The following CFAP20DC variants were observed in gnomAD, a reference collection of about 807,000 sequenced individuals.
The protein encoded by CFAP20DC is CFAP20 domain containing, also known as protein CFAP20DC.
CFAP20DC carries 84 observed loss-of-function variants against 101.7 expected under a neutral mutation model. That is an observed-to-expected ratio of 0.83 (90% CI 0.69 to 0.99). The LOEUF (loss-of-function observed/expected upper bound fraction) is 0.99, where lower values mean the gene tolerates loss of function less well. CFAP20DC is among the 50% of genes least tolerant of loss of function. CFAP20DC has a pLI of 0.00. For synonymous variants in CFAP20DC, 359 were observed against 351.2 expected, an observed-to-expected ratio of 1.02 and a Z score of -0.25; for missense variants, 1,007 against 970.3, an observed-to-expected ratio of 1.04 and a Z score of -0.50.
At chr3:58,821,180 C>A (rs1275758817) in intron 14 of CFAP20DC, among the ~76,000 whole-genome samples, 2 of 152,014 alleles carry the variant, frequency 1.3e-5, no homozygotes, top group Non-Finnish European at 2.9e-5. Flanking sequence ...AGACCTAAAA[C>A]CATAAAAACC....
intron 5 of CFAP20DC, among the ~76,000 whole-genome samples, chr3:58,915,328 T>G (rs1576288760): frequency 6.6e-6 from 1 of 152,162 alleles, no homozygotes; most frequent in Non-Finnish European, 1.5e-5. Context: ...TGTGGCTTGG[T>G]GAAATGCAGG....
chr3:58,852,210 T>A (rs1342201516), intron 12 of CFAP20DC, among the ~76,000 whole-genome samples: 2 of 152,074 alleles, frequency 1.3e-5, no homozygotes, highest in African/African-American at 4.8e-5. Flanking sequence ...AGGAAATGCT[T>A]CAGGATCTTG....
chr3:58,771,263 TA>T (rs1313278789), intron 15 of CFAP20DC, among the ~76,000 whole-genome samples: 1 of 151,208 alleles, frequency 6.6e-6, no homozygotes, highest in African/African-American at 2.4e-5. Context: ...GGTGGGGGAC[TA>T]GGGGAGGGAT....
intron 5 of CFAP20DC, among the ~76,000 whole-genome samples, chr3:58,916,114 T>C (rs900510847): frequency 6.6e-6 from 1 of 152,292 alleles, no homozygotes; most frequent in South Asian, 2.1e-4. Flanking sequence ...TTTAAAAACA[T>C]TTTTGCAGTT....
At chr3:58,834,772 AG>A (rs1239931641) in intron 13 of CFAP20DC, among the ~76,000 whole-genome samples, 12 of 152,160 alleles carry the variant, frequency 7.9e-5, no homozygotes, top group Admixed American at 7.9e-4. Flanking sequence ...CAAATATACT[AG>A]GGGGGTCTCC....
At chr3:58,759,394 T>C (rs1313812380) in intron 15 of CFAP20DC, among the ~76,000 whole-genome samples, 1 of 152,258 alleles carries the variant, frequency 6.6e-6, no homozygotes, top group African/African-American at 2.4e-5. Context: ...TGTTTTTTTC[T>C]TGTAAATTTG....
At chr3:59,031,336 T>C (rs1169382197) in intron 4 of CFAP20DC, among the ~76,000 whole-genome samples, 1 of 152,140 alleles carries the variant, frequency 6.6e-6, no homozygotes, top group Non-Finnish European at 1.5e-5. Flanking sequence ...GATAGGGAGA[T>C]AAGAAGAATA....
rs1559521968 is a variant in CFAP20DC at position 58,717,996 on chromosome 3, A to G, written c.198-368T>C. ...TTTACCATTCCCATTTGGATAAGCT[A>G]TGGAGAAATTCAAGTTTGGCTTCAT... is the stretch of plus-strand genomic sequence containing the variant. On this transcript the variant is annotated intron_variant, in intron 3 of 3. Transcript: ENST00000486145. The surrounding 1 kb of genome is among the most constrained non-coding windows in gnomAD (Gnocchi z 4.1). 6.6e-6 allele frequency among the ~76,000 whole-genome samples: 1 copy of G among 152,330 alleles called. No homozygotes were observed. The highest frequency in any genetic ancestry group is 2.4e-5 in the African/African-American group (1 of 41,586).
chr3:58,762,148 C>G (rs1018924674), intron 15 of CFAP20DC, among the ~76,000 whole-genome samples: 3 of 152,122 alleles, frequency 2.0e-5, no homozygotes, highest in African/African-American at 7.2e-5. Flanking sequence ...GTTAAAGTCT[C>G]CCATTATTAT....
At chr3:58,780,186 C>G (rs1389307660) in intron 15 of CFAP20DC, among the ~76,000 whole-genome samples, 1 of 152,094 alleles carries the variant, frequency 6.6e-6, no homozygotes, top group African/African-American at 2.4e-5. Context: ...GAATTTGTCA[C>G]CACTAGACCA....
chr3:58,881,132 G>T (rs1442177264), intron 7 of CFAP20DC, among the ~76,000 whole-genome samples: 2 of 152,200 alleles, frequency 1.3e-5, no homozygotes, highest in South Asian at 4.1e-4. Flanking sequence ...ATTATTTCAT[G>T]TTTTTTTGCT....
chr3:58,879,766 A>C (rs1468858817), intron 7 of CFAP20DC, among the ~76,000 whole-genome samples: 1 of 152,126 alleles, frequency 6.6e-6, no homozygotes, highest in Non-Finnish European at 1.5e-5. Context: ...ATTGATTATT[A>C]GAGCCCCGAG....
At chr3:59,022,878 A>T (rs1447254177) in intron 4 of CFAP20DC, among the ~76,000 whole-genome samples, 1 of 152,132 alleles carries the variant, frequency 6.6e-6, no homozygotes, top group East Asian at 1.9e-4. Context: ...CCATAGCTTT[A>T]GTATGGCCTT....
chr3:58,935,503 G>T (rs551994555), intron 5 of CFAP20DC, among the ~76,000 whole-genome samples: 1 of 149,652 alleles, frequency 6.7e-6, no homozygotes, highest in African/African-American at 2.6e-5. Context: ...TGGAGGTATC[G>T]CGCTACCTGA....
At chr3:59,044,581 A>G (rs1225505843) in intron 3 of CFAP20DC, among the ~76,000 whole-genome samples, 1 of 152,148 alleles carries the variant, frequency 6.6e-6, no homozygotes, top group Non-Finnish European at 1.5e-5. Flanking sequence ...TTTCTTAAAA[A>G]AAAAACTTCA....
rs1215333783 is a variant in CFAP20DC, at chr3:58,863,919, T to C, written c.1259-27A>G. On this transcript the variant is annotated intron_variant, in intron 11 of 16. Transcript: ENST00000482387. The surrounding 1 kb of genome is among the most constrained non-coding windows in gnomAD (Gnocchi z 5.9). ...TGACAGTTGGAAAAGATGACAAAAA[T>C]TAGAGCAGTAATCCATAAAAGTGTT... The C allele has an allele frequency of 7.0e-6, 11 of 1,579,930 alleles. No individual in the cohort carries two copies. The highest frequency in any genetic ancestry group is 9.4e-6 in the Non-Finnish European group (11 of 1,164,324).
At chr3:58,862,883 T>C in intron 12 of CFAP20DC, 1 of 982,260 alleles carries the variant, frequency 1.0e-6, no homozygotes, top group Non-Finnish European at 1.2e-6. Context: ...GGGGAAAAAG[T>C]TATCAATGTA....
At chr3:58,726,193 G>A (rs1010180987) in intron 3 of CFAP20DC, 4 of 152,220 alleles carry the variant, frequency 2.6e-5, no homozygotes, top group African/African-American at 9.7e-5. Flanking sequence ...CACTAGGTAA[G>A]GCATACGACA....
chr3:58,920,538 T>C (rs1188451276), intron 5 of CFAP20DC, among the ~76,000 whole-genome samples: 2 of 152,184 alleles, frequency 1.3e-5, no homozygotes, highest in East Asian at 3.9e-4. Context: ...AATGTAAATA[T>C]TTATCATAAA....
Sources: allele counts gnomAD v4.1 joint callset (sites outside exome capture counted in the v4.1 genomes callset), GRCh38; gene constraint gnomAD v4.1.1; non-coding constraint Gnocchi (gnomAD v3.1); transcripts MANE v1.5; gene names NCBI Gene and HGNC (gene_info 2026-07-23, HGNC 2026-07-21).